The following LINGO2 variants were observed in gnomAD, a reference collection of about 807,000 sequenced individuals.
The protein encoded by LINGO2 is leucine-rich repeat and immunoglobulin-like domain-containing nogo receptor-interacting protein 2.
LINGO2 carries 14 observed loss-of-function variants against 30.6 expected under a neutral mutation model. That is an observed-to-expected ratio of 0.46 (90% confidence interval 0.30 to 0.72). The LOEUF is 0.72. Ranked by LOEUF, LINGO2 falls within the 30% of genes least tolerant of loss-of-function variation. The probability of loss-of-function intolerance (pLI) is 0.07; values close to 1 mark genes in which losing one functional copy is unlikely to be tolerated. For synonymous variants in LINGO2, 317 were observed against 288.5 expected, an observed-to-expected ratio of 1.10 and a Z score of -1.00; for missense variants, 729 against 751.7, an observed-to-expected ratio of 0.97 and a Z score of 0.35.
At chr9:28,499,484 A>C (rs186309997) in intron 1 of LINGO2, among the ~76,000 whole-genome samples, 32 of 152,320 alleles carry the variant, frequency 2.1e-4, no homozygotes, top group African/African-American at 7.5e-4. Flanking sequence ...AGTTCAGTTC[A>C]AGTGCCTGAC....
intron 4 of LINGO2, among the ~76,000 whole-genome samples, chr9:28,038,845 A>T (rs1471580702): frequency 6.6e-6 from 1 of 152,208 alleles, no homozygotes; most frequent in African/African-American, 2.4e-5. Context: ...ATATTCGCAA[A>T]CCACAGCAAT....
intron 2 of LINGO2, among the ~76,000 whole-genome samples, chr9:28,467,064 T>C (rs1460990881): frequency 6.6e-6 from 1 of 151,590 alleles, no homozygotes; most frequent in Non-Finnish European, 1.5e-5. Flanking sequence ...CTCGCTCTGT[T>C]GCCCTGGCTA....
the LINGO2 span, among the ~76,000 whole-genome samples, chr9:28,896,464 C>T: frequency 2.6e-5 from 3 of 117,052 alleles, no homozygotes; most frequent in Non-Finnish European, 3.6e-5. Flanking sequence ...TATGTATGCA[C>T]AAGCTAGAAT....
intron 1 of LINGO2, among the ~76,000 whole-genome samples, chr9:28,533,642 A>C (rs866007388): frequency 6.6e-6 from 1 of 152,298 alleles, no homozygotes; most frequent in Admixed American, 6.5e-5. Context: ...AACTGACTGC[A>C]GACTATATTC....
chr9:29,083,026 G>C, the LINGO2 span, among the ~76,000 whole-genome samples: 6,248 of 152,168 alleles, frequency 0.041, 197 homozygotes, highest in Admixed American at 0.08. Flanking sequence ...TCAGTGTGGC[G>C]ATTCCTCAGG....
At chr9:28,117,500 C>A (rs1826953882) in intron 4 of LINGO2, among the ~76,000 whole-genome samples, 2 of 87,948 alleles carry the variant, frequency 2.3e-5, no homozygotes, top group African/African-American at 8.9e-5. Context: ...GCGGGCGCCC[C>A]TCCCCCAGCC....
intron 2 of LINGO2, among the ~76,000 whole-genome samples, chr9:28,399,279 C>T (rs1000387773): frequency 6.6e-6 from 1 of 152,132 alleles, no homozygotes; most frequent in African/African-American, 2.4e-5. Flanking sequence ...GTCTGTGTAG[C>T]CTTTGACCTG....
the LINGO2 span, among the ~76,000 whole-genome samples, chr9:29,064,373 T>A: frequency 1.3e-5 from 2 of 152,068 alleles, no homozygotes; most frequent in Admixed American, 1.3e-4. Context: ...CTATTTGTTA[T>A]CTCCATACTT....
At chr9:27,941,294 G>A in the LINGO2 span, 3,874 of 152,316 alleles carry the variant, frequency 0.025, 75 homozygotes, top group Non-Finnish European at 0.035. Flanking sequence ...AAAATTAGCC[G>A]GGTGTGGTGG....
the LINGO2 span, among the ~76,000 whole-genome samples, chr9:28,706,657 A>G: frequency 6.6e-6 from 1 of 152,094 alleles, no homozygotes; most frequent in African/African-American, 2.4e-5. Flanking sequence ...TAACCTTCAC[A>G]TTGAAATCTG....
At chr9:28,199,529 G>T (rs963111127) in intron 4 of LINGO2, among the ~76,000 whole-genome samples, 3 of 151,992 alleles carry the variant, frequency 2.0e-5, no homozygotes, top group African/African-American at 7.2e-5. Flanking sequence ...AAGTAGAGAC[G>T]AGGTTTCACC....
At chr9:28,630,707 G>A (rs76203586) in intron 1 of LINGO2, among the ~76,000 whole-genome samples, 341 of 152,070 alleles carry the variant, frequency 2.2e-3, no homozygotes, top group Admixed American at 4.1e-3. Context: ...TATTTGAATG[G>A]CATTATTAGT....
chr9:28,343,248 C>G (rs1169241595), intron 3 of LINGO2, among the ~76,000 whole-genome samples: 1 of 152,154 alleles, frequency 6.6e-6, no homozygotes, highest in Non-Finnish European at 1.5e-5. Flanking sequence ...GTTAAACCTA[C>G]ACTTTGCTTA....
chr9:28,008,276 TATC>T (rs1034381692), intron 5 of LINGO2, among the ~76,000 whole-genome samples: 26 of 152,296 alleles, frequency 1.7e-4, no homozygotes, highest in African/African-American at 6.3e-4. Flanking sequence ...TATTCCTCTA[TATC>T]ATCATAACTT....
intron 1 of LINGO2, among the ~76,000 whole-genome samples, chr9:28,639,272 G>A (rs574318011): frequency 1.3e-5 from 2 of 152,240 alleles, no homozygotes; most frequent in African/African-American, 4.8e-5. Flanking sequence ...GGTGTGGTGT[G>A]GTACTGAGAA....
intron 3 of LINGO2, among the ~76,000 whole-genome samples, chr9:28,301,138 G>C (rs1824125046): frequency 6.6e-6 from 1 of 152,162 alleles, no homozygotes; most frequent in South Asian, 2.1e-4. Context: ...CAAGGAGCCA[G>C]AGAGCCACAA....
the LINGO2 span, among the ~76,000 whole-genome samples, chr9:28,690,118 G>A: frequency 1.3e-5 from 2 of 152,076 alleles, no homozygotes; most frequent in African/African-American, 4.8e-5. Context: ...AATAGCTAAT[G>A]GATGCTGGGC....
the LINGO2 span, among the ~76,000 whole-genome samples, chr9:28,700,301 A>G: frequency 1.3e-5 from 2 of 151,688 alleles, no homozygotes; most frequent in Admixed American, 6.6e-5. Context: ...ATTCATCCAA[A>G]TTTCTTCCTT....
the LINGO2 span, among the ~76,000 whole-genome samples, chr9:28,947,104 T>C: frequency 6.6e-6 from 1 of 152,086 alleles, no homozygotes; most frequent in African/African-American, 2.4e-5. Flanking sequence ...GTAAAAAATA[T>C]ATATCTATAT....
Sources: gnomAD v4.1 joint callset for allele counts (sites outside exome capture counted in the v4.1 genomes callset) on GRCh38, gnomAD v4.1.1 for gene constraint, MANE v1.5 for transcripts, NCBI Gene and HGNC (gene_info 2026-07-23, HGNC 2026-07-21) for gene names.